CYTH3: variants seen among roughly 807,000 people sequenced by gnomAD.
CYTH3 encodes cytohesin-3.
Under a neutral mutation model 55.1 loss-of-function variants are expected in CYTH3, and 23 were observed. The ratio of observed to expected loss-of-function variants is 0.42; its 90% confidence interval spans 0.30 to 0.59. CYTH3 has a LOEUF of 0.59. Among genes scored for constraint, CYTH3 ranks in the 20% least tolerant of loss-of-function variants. The pLI is 0.20. For missense variants in CYTH3, 413 were observed against 524.8 expected, an observed-to-expected ratio of 0.79 and a Z score of 2.08; for synonymous variants, 249 against 194.9, an observed-to-expected ratio of 1.28 and a Z score of -2.31.
chr7:6,202,173 C>T (rs1784071437), intron 1 of CYTH3, among the ~76,000 whole-genome samples: 1 of 152,206 alleles, frequency 6.6e-6, no homozygotes, highest in South Asian at 2.1e-4. Context: ...GGTCTTGTCC[C>T]TCCCCTGTCC....
intron 1 of CYTH3, among the ~76,000 whole-genome samples, chr7:6,259,784 A>ATTATATATAT (rs1491413119): frequency 4.8e-5 from 1 of 20,948 alleles, no homozygotes; most frequent in African/African-American, 5.0e-4. Context: ...ATATATATAT[A>ATTATATATAT]ATATATATAT....
chr7:6,215,719 T>C (rs1784411591), intron 1 of CYTH3, among the ~76,000 whole-genome samples: 1 of 151,970 alleles, frequency 6.6e-6, no homozygotes, highest in Non-Finnish European at 1.5e-5. Context: ...CTAAACAAAC[T>C]TGAAACAGGA....
At chr7:6,211,609 G>A (rs1199866868) in intron 1 of CYTH3, among the ~76,000 whole-genome samples, 4 of 152,304 alleles carry the variant, frequency 2.6e-5, no homozygotes, top group East Asian at 3.9e-4. Context: ...TGGGATTACA[G>A]GAGTAAGCCA....
chr7:6,249,513 T>G (rs368917818), intron 1 of CYTH3, among the ~76,000 whole-genome samples: 1 of 152,162 alleles, frequency 6.6e-6, no homozygotes, highest in Admixed American at 6.5e-5. Flanking sequence ...GCAGCACAAT[T>G]TCCACGATCA....
Position 6,173,749 on chromosome 7 carries a change from G to C in CYTH3, c.369-16C>G. 2 of 1,494,920 alleles carry C rather than the reference G, an allele frequency of 1.3e-6. No homozygotes were observed. Among genetic ancestry groups the C allele is most frequent in the Non-Finnish European group, 1.9e-6 (2 of 1,071,414 alleles). The allele number at this position is 1,494,920 out of a possible 1,614,324, so 92.6% of individuals were successfully genotyped here. ...AAATTCATCCCTGGGAAAAAAAGAAGTAAGTTTCAAACCTAATGTACATTA... is the reference window on the plus strand; with the variant it reads ...AAATTCATCCCTGGGAAAAAAAGAACTAAGTTTCAAACCTAATGTACATTA... On this transcript the variant is annotated splice_polypyrimidine_tract_variant and intron_variant, in intron 5 of 12. Transcript: ENST00000350796.
intron 1 of CYTH3, among the ~76,000 whole-genome samples, chr7:6,251,495 A>G (rs1217262130): frequency 1.3e-5 from 2 of 152,292 alleles, no homozygotes; most frequent in South Asian, 4.1e-4. Context: ...AAAATAGGAA[A>G]GGATTCTTCA....
intron 1 of CYTH3, among the ~76,000 whole-genome samples, chr7:6,270,470 G>A (rs1471012285): frequency 2.0e-5 from 3 of 152,072 alleles, no homozygotes; most frequent in Non-Finnish European, 2.9e-5. Flanking sequence ...GTCTTTGATG[G>A]TTTTTTTCCA....
chr7:6,185,257 C>G (rs966630321), intron 4 of CYTH3, among the ~76,000 whole-genome samples: 1 of 152,158 alleles, frequency 6.6e-6, no homozygotes, highest in Non-Finnish European at 1.5e-5. Context: ...AAACAAAAAC[C>G]CTCCTCTGGG....
intron 9 of CYTH3, among the ~76,000 whole-genome samples, chr7:6,168,841 G>A (rs1783087499): frequency 6.6e-6 from 1 of 152,218 alleles, no homozygotes; most frequent in South Asian, 2.1e-4. Context: ...GCAGGCTGAT[G>A]GCGTCACTGT....
chr7:6,244,000 T>A (rs549039494), intron 1 of CYTH3, among the ~76,000 whole-genome samples: 1 of 152,216 alleles, frequency 6.6e-6, no homozygotes, highest in African/African-American at 2.4e-5. Flanking sequence ...TTTTTTGACA[T>A]TTTGAAGAAT....
chr7:6,172,893 A>C, intron 6 of CYTH3: 1 of 1,239,482 alleles, frequency 8.1e-7, no homozygotes, highest in South Asian at 1.3e-5. Flanking sequence ...AAACGCTGCC[A>C]ACATTGCAGT....
At chr7:6,235,789 T>C (rs1285118616) in intron 1 of CYTH3, among the ~76,000 whole-genome samples, 1 of 152,080 alleles carries the variant, frequency 6.6e-6, no homozygotes, top group African/African-American at 2.4e-5. Context: ...GAAACCCCAC[T>C]CAAATGTGGA....
chr7:6,179,505 CA>C, intron 4 of CYTH3, among the ~76,000 whole-genome samples: 1 of 152,086 alleles, frequency 6.6e-6, no homozygotes, highest in African/African-American at 2.4e-5. Flanking sequence ...CCAGAAAAAT[CA>C]GTGAGTCTAA....
rs1488564979 is a variant in CYTH3, at chr7:6,201,542, A to T, written c.35-11011T>A. ...ACCATTATCACTAACAGAAATTCTT[A>T]AATAAGTTCAATCAAGAGAAGGGAT... On this transcript the variant is annotated intron_variant, in intron 1 of 12. Transcript: ENST00000350796. Among the ~76,000 whole-genome samples, 3 of 152,274 alleles carry T rather than the reference A, an allele frequency of 2.0e-5. No individual in the cohort carries two copies. In the East Asian group the frequency reaches 5.8e-4, roughly 29 times the overall value.
intron 3 of CYTH3, 104 bp downstream of exon 3, chr7:6,187,553 C>A: frequency 9.8e-7 from 1 of 1,017,636 alleles, no homozygotes; most frequent in African/African-American, 1.6e-5. Context: ...CCACAGGCTC[C>A]CCACATCCCA....
chr7:6,224,548 A>T lies in CYTH3; in HGVS notation c.35-34017T>A, dbSNP rs919215777. Among the ~76,000 whole-genome samples, 4 of 152,338 alleles carry T rather than the reference A, an allele frequency of 2.6e-5. No individual in the cohort carries two copies. The South Asian group carries it at 8.3e-4, about 32-fold the overall frequency. On this transcript the variant is annotated intron_variant, in intron 1 of 12. Coordinates refer to ENST00000350796, the MANE Select transcript of CYTH3 (RefSeq NM_004227.4). The stretch of plus-strand genomic sequence containing the variant: ...GCTAAAACTAGGATGGCTATACTTT[A>T]AAAAACATACTAACAAGTGTTGGCA...
rs577987363 is a variant in CYTH3, at chr7:6,196,460, T to C, written c.35-5929A>G. ...GAGCATCTTTTTTCTTTTTTTCTTT[T>C]TTTTTTTTTTTTTTTTGAGACGGAA... On this transcript the variant is annotated intron_variant, in intron 1 of 12. Transcript: ENST00000350796. Among the ~76,000 whole-genome samples, 17 of 145,720 alleles carry C rather than the reference T, an allele frequency of 1.2e-4. 1 individual carries two copies. The South Asian group carries it at 2.6e-3, about 22-fold the overall frequency.
rs1782905104 is a variant in CYTH3 at position 6,163,661 on chromosome 7, C to G, written c.*1283G>C. ...CGGGCGTGGAGTTTGACCAGTTCCA[C>G]CACCGGCGTCTATCTGGGTTCTCTA... On this transcript the variant is annotated 3_prime_UTR_variant, in exon 13 of 13. Coordinates refer to ENST00000350796, the MANE Select transcript of CYTH3 (RefSeq NM_004227.4). The G allele has an allele frequency of 6.6e-6, 1 of 152,286 alleles. No individual in the cohort carries two copies. The highest frequency in any genetic ancestry group is 1.5e-5 in the Non-Finnish European group (1 of 68,120). The allele number at this position is 152,286 out of a possible 1,614,324, so 9.4% of individuals were successfully genotyped here.
At chr7:6,234,232 T>C (rs1017458772) in intron 1 of CYTH3, among the ~76,000 whole-genome samples, 3 of 152,240 alleles carry the variant, frequency 2.0e-5, no homozygotes, top group Admixed American at 1.3e-4. Context: ...TGGAGATCCC[T>C]GTTAACAAGG....
Sources: allele counts gnomAD v4.1 joint callset (sites outside exome capture counted in the v4.1 genomes callset), GRCh38; gene constraint gnomAD v4.1.1; transcripts MANE v1.5; gene names NCBI Gene and HGNC (gene_info 2026-07-23, HGNC 2026-07-21).